The following RBFOX1 variants were observed in gnomAD, a reference collection of about 807,000 sequenced individuals.
The protein encoded by RBFOX1 is RNA binding protein fox-1 homolog 1.
RBFOX1 carries 8 observed loss-of-function variants against 57.7 expected under a neutral mutation model. The observed-to-expected ratio is 0.14, with a 90% confidence interval of 0.08 to 0.25. The LOEUF is 0.25. Among genes scored for constraint, RBFOX1 ranks in the 10% least tolerant of loss-of-function variants. RBFOX1 has a pLI of 1.00. For synonymous variants in RBFOX1, 326 were observed against 222.4 expected, an observed-to-expected ratio of 1.47 and a Z score of -4.15; for missense variants, 611 against 548.5, an observed-to-expected ratio of 1.11 and a Z score of -1.14.
intron 3 of RBFOX1, among the ~76,000 whole-genome samples, chr16:5,830,393 T>A (rs1383653350): frequency 6.6e-6 from 1 of 151,920 alleles, no homozygotes; most frequent in Admixed American, 6.6e-5. Flanking sequence ...TTTTTTTTTG[T>A]TCTTTCTGTA....
intron 4 of RBFOX1, among the ~76,000 whole-genome samples, chr16:7,514,667 G>C (rs2075959373): frequency 6.6e-6 from 1 of 152,116 alleles, no homozygotes; most frequent in African/African-American, 2.4e-5. Context: ...GGGTAGGTGA[G>C]GCTTTCCAAG....
At chr16:6,829,261 T>G (rs557222410) in intron 3 of RBFOX1, among the ~76,000 whole-genome samples, 1 of 133,862 alleles carries the variant, frequency 7.5e-6, no homozygotes, top group Admixed American at 7.3e-5. Flanking sequence ...AAAAAAAAAA[T>G]AGCATAAAAG....
intron 3 of RBFOX1, among the ~76,000 whole-genome samples, chr16:6,810,584 T>C (rs1418150562): frequency 1.3e-5 from 2 of 152,132 alleles, no homozygotes; most frequent in Non-Finnish European, 1.5e-5. Flanking sequence ...ATGAGTTTCA[T>C]AGTGCTATAA....
chr16:7,621,714 G>A (rs1413657551), intron 10 of RBFOX1, among the ~76,000 whole-genome samples: 2 of 152,326 alleles, frequency 1.3e-5, no homozygotes, highest in Middle Eastern at 3.4e-3. Flanking sequence ...GAAATACTTA[G>A]TGCCAGCTCC....
intron 14 of RBFOX1, among the ~76,000 whole-genome samples, chr16:7,677,360 C>T (rs981162012): frequency 3.3e-5 from 5 of 152,144 alleles, no homozygotes; most frequent in African/African-American, 1.2e-4. Context: ...CCCTGGCATT[C>T]ATAAGGAGAT....
In RBFOX1 at chr16:5,525,491, A is replaced by ATTTTTTTTTTTT. The variant is rs71404528; in HGVS notation, c.258+58250_258+58261dup. ...ATAGGCTGGCTCTAGAGCCGACACTATTTTTTTTTTTTTTTTTTTTTTTTG... is the reference window on the plus strand; with the variant it reads ...ATAGGCTGGCTCTAGAGCCGACACTATTTTTTTTTTTTTTTTTTTTTTTTTTTTTTTTTTTTG... On this transcript the variant is annotated intron_variant, in intron 2 of 2. Coordinates refer to the RBFOX1 transcript ENST00000585867. 8.9e-5 allele frequency among the ~76,000 whole-genome samples: 7 copies of ATTTTTTTTTTTT among 78,272 alleles called. 1 individual carries two copies. Among genetic ancestry groups the ATTTTTTTTTTTT allele is most frequent in the African/African-American group, 3.8e-4 (7 of 18,372 alleles). 51.3% of individuals were successfully genotyped at this position (78,272 alleles called of 152,430 possible). A position where few individuals can be genotyped will look rare whatever the true frequency, so the allele number is the denominator to read the frequency against.
intron 2 of RBFOX1, among the ~76,000 whole-genome samples, chr16:6,360,836 G>A (rs2088339586): frequency 1.3e-5 from 2 of 152,130 alleles, no homozygotes; most frequent in African/African-American, 2.4e-5. Flanking sequence ...TGTGAATGGC[G>A]CCCCCTACAG....
chr16:6,503,280 C>T (rs750174790), intron 2 of RBFOX1, among the ~76,000 whole-genome samples: 3 of 152,052 alleles, frequency 2.0e-5, no homozygotes, highest in Non-Finnish European at 2.9e-5. Context: ...TATGGGCAGT[C>T]TTTGTTTATC....
chr16:7,213,670 C>G (rs773233881), intron 4 of RBFOX1, among the ~76,000 whole-genome samples: 2 of 152,092 alleles, frequency 1.3e-5, no homozygotes, highest in African/African-American at 2.4e-5. Context: ...TTTAATAATC[C>G]TAACAGCCCT....
chr16:5,836,427 C>T (rs2056458414), intron 3 of RBFOX1, among the ~76,000 whole-genome samples: 2 of 152,312 alleles, frequency 1.3e-5, no homozygotes, highest in South Asian at 4.1e-4. Flanking sequence ...GACACTCAGT[C>T]ATACCTGTCA....
intron 4 of RBFOX1, among the ~76,000 whole-genome samples, chr16:7,258,568 A>C (rs2094790557): frequency 6.6e-6 from 1 of 152,184 alleles, no homozygotes; most frequent in Non-Finnish European, 1.5e-5. Context: ...GCACATCTGT[A>C]ATTTACTCAT....
chr16:7,597,294 G>A (rs977175103), intron 8 of RBFOX1, 77 bp from the exon 9 acceptor site: 10 of 1,031,010 alleles, frequency 9.7e-6, no homozygotes, highest in East Asian at 2.6e-5. Context: ...AAGTAATCAC[G>A]GTCATAATGC....
intron 3 of RBFOX1, among the ~76,000 whole-genome samples, chr16:6,847,733 C>T (rs536286850): frequency 6.6e-6 from 1 of 152,078 alleles, no homozygotes; most frequent in Non-Finnish European, 1.5e-5. Context: ...CCTGTGAATG[C>T]TTACACATTT....
chr16:7,020,024 G>A (rs1020977918), intron 3 of RBFOX1, among the ~76,000 whole-genome samples: 1 of 150,638 alleles, frequency 6.6e-6, no homozygotes, highest in Admixed American at 6.6e-5. Flanking sequence ...CCTCAGGAAG[G>A]CGTCTGTAGT....
intron 4 of RBFOX1, among the ~76,000 whole-genome samples, chr16:7,312,037 T>G (rs1468401632): frequency 6.6e-6 from 1 of 152,198 alleles, no homozygotes; most frequent in Non-Finnish European, 1.5e-5. Flanking sequence ...TGGGAACACT[T>G]AGCTCAGTGC....
intron 5 of RBFOX1, among the ~76,000 whole-genome samples, chr16:7,579,340 G>A (rs1048240703): frequency 2.6e-5 from 4 of 152,026 alleles, no homozygotes; most frequent in Admixed American, 6.6e-5. Context: ...GAACAGCGTC[G>A]GTTAAGAAAT....
chr16:5,675,636 G>A (rs774179420), intron 3 of RBFOX1, among the ~76,000 whole-genome samples: 4 of 152,202 alleles, frequency 2.6e-5, no homozygotes, highest in Non-Finnish European at 4.4e-5. Context: ...TGGCTTCCGC[G>A]TGTCATCGTG....
intron 4 of RBFOX1, among the ~76,000 whole-genome samples, chr16:7,119,829 G>A (rs1412081441): frequency 6.6e-6 from 1 of 152,028 alleles, no homozygotes; most frequent in Non-Finnish European, 1.5e-5. Flanking sequence ...TAGAAGTACT[G>A]AACAACACCA....
chr16:6,776,476 G>T (rs545755986), intron 3 of RBFOX1, among the ~76,000 whole-genome samples: 1 of 152,062 alleles, frequency 6.6e-6, no homozygotes, highest in Admixed American at 6.6e-5. Flanking sequence ...GCAACACAGT[G>T]CAATTCTTTA....
Sources: gnomAD v4.1 joint callset for allele counts (sites outside exome capture counted in the v4.1 genomes callset) on GRCh38, gnomAD v4.1.1 for gene constraint, MANE v1.5 for transcripts, NCBI Gene and HGNC (gene_info 2026-07-23, HGNC 2026-07-21) for gene names.